Variants in PDSS2 observed in about 807,000 individuals in gnomAD.
PDSS2 encodes all trans-polyprenyl-diphosphate synthase PDSS2.
A neutral mutation model predicts 44.5 loss-of-function variants in PDSS2; 31 were observed. The ratio of observed to expected loss-of-function variants is 0.70; its 90% CI spans 0.52 to 0.94. PDSS2 has a LOEUF of 0.94. Among genes scored for constraint, PDSS2 ranks in the 40% least tolerant of loss-of-function variants. The pLI is 0.00. For synonymous variants in PDSS2, 157 were observed against 180.3 expected, an observed-to-expected ratio of 0.87 and a Z score of 1.03; for missense variants, 452 against 482.2, an observed-to-expected ratio of 0.94 and a Z score of 0.59.
chr6:107,285,385 C>G (rs1396156420), intron 2 of PDSS2, among the ~76,000 whole-genome samples: 2 of 152,090 alleles, frequency 1.3e-5, no homozygotes, highest in Non-Finnish European at 2.9e-5. Context: ...AGGCTCACAT[C>G]TGTAATCTCA....
chr6:107,300,241 T>C (rs1258147248), intron 2 of PDSS2, among the ~76,000 whole-genome samples: 2 of 152,184 alleles, frequency 1.3e-5, no homozygotes, highest in Non-Finnish European at 2.9e-5. Flanking sequence ...AGATCTACTG[T>C]GGACCCCTGG....
At chr6:107,359,481 G>A (rs1172884855) in intron 1 of PDSS2, among the ~76,000 whole-genome samples, 1 of 151,752 alleles carries the variant, frequency 6.6e-6, no homozygotes, top group African/African-American at 2.4e-5. Context: ...AAAATTAGCT[G>A]GGCATGGAGG....
chr6:107,429,901 A>AAAAAAAAAT (rs1166637352), intron 1 of PDSS2, among the ~76,000 whole-genome samples: 82 of 31,790 alleles, frequency 2.6e-3, no homozygotes, highest in African/African-American at 4.7e-3. Flanking sequence ...AAAAAAAAAA[A>AAAAAAAAAT]ATATATATAT....
chr6:107,353,210 A>ATGTC (rs1221646671), intron 1 of PDSS2, among the ~76,000 whole-genome samples: 1 of 152,212 alleles, frequency 6.6e-6, no homozygotes, highest in Non-Finnish European at 1.5e-5. Context: ...AGCTTTTTGA[A>ATGTC]TGTCTATACA....
intron 1 of PDSS2, among the ~76,000 whole-genome samples, chr6:107,432,235 G>A (rs948479638): frequency 1.6e-4 from 25 of 152,136 alleles, no homozygotes; most frequent in Non-Finnish European, 3.2e-4. Context: ...AATTTGGGGG[G>A]AAAGTAAACC....
intron 1 of PDSS2, among the ~76,000 whole-genome samples, chr6:107,448,375 C>T (rs560574193): frequency 5.9e-5 from 9 of 152,306 alleles, no homozygotes; most frequent in African/African-American, 2.2e-4. Context: ...ATTTCTTCCA[C>T]TAGATACCCT....
chr6:107,288,722 C>T (rs545677540), intron 2 of PDSS2, among the ~76,000 whole-genome samples: 1 of 140,976 alleles, frequency 7.1e-6, no homozygotes, highest in African/African-American at 2.7e-5. Context: ...TAAGGAGGGG[C>T]TGGACAATAT....
intron 1 of PDSS2, among the ~76,000 whole-genome samples, chr6:107,377,235 A>G (rs1305723701): frequency 2.6e-5 from 4 of 152,028 alleles, no homozygotes; most frequent in African/African-American, 7.2e-5. Context: ...GAAGGAGATG[A>G]ACAGACACTT....
intron 4 of PDSS2, among the ~76,000 whole-genome samples, chr6:107,223,294 C>T (rs1773679076): frequency 6.6e-6 from 1 of 150,760 alleles, no homozygotes; most frequent in South Asian, 2.1e-4. Context: ...CTTTGGGAGG[C>T]CGAGGTGGGC....
chr6:107,227,278 CTTTTTTTTTTTTTTTT>C (rs60988844), intron 4 of PDSS2, among the ~76,000 whole-genome samples: 49,956 of 103,448 alleles, frequency 0.48, 10,505 homozygotes, highest in South Asian at 0.61. Flanking sequence ...CCACTGTGCC[CTTTTTTTTTTTTTTTT>C]TTTTTTTTTT....
chr6:107,422,928 G>T (rs1263354146), intron 1 of PDSS2, among the ~76,000 whole-genome samples: 2 of 151,916 alleles, frequency 1.3e-5, no homozygotes, highest in East Asian at 3.8e-4. Context: ...CATATATTAC[G>T]ATGCTAAAAG....
intron 4 of PDSS2, among the ~76,000 whole-genome samples, chr6:107,228,300 C>G (rs114594083): frequency 6.6e-6 from 1 of 152,168 alleles, no homozygotes; most frequent in Non-Finnish European, 1.5e-5. Context: ...CTATATCAAC[C>G]TTCACTTTAC....
chr6:107,386,345 A>G (rs1206004515), intron 1 of PDSS2, among the ~76,000 whole-genome samples: 2 of 151,164 alleles, frequency 1.3e-5, no homozygotes, highest in African/African-American at 4.9e-5. Context: ...TGTTTATTAG[A>G]TGTAAATAGT....
intron 1 of PDSS2, among the ~76,000 whole-genome samples, chr6:107,425,349 T>C (rs1490328998): frequency 6.6e-6 from 1 of 152,152 alleles, no homozygotes; most frequent in East Asian, 1.9e-4. Context: ...GTGAGAAAGT[T>C]TGGAACTTCC....
rs368963901 is a variant in PDSS2 at position 107,260,686 on chromosome 6, C to T, written c.630+13343G>A. ...TTTTTTTTTTTTTTTTTTTTTGAGA[C>T]GGAGTCTGGCTCTGACGCCCAGGCT... is the stretch of plus-strand genomic sequence containing the variant. On this transcript the variant is annotated intron_variant, in intron 3 of 7. Coordinates refer to ENST00000369037, the MANE Select transcript of PDSS2 (RefSeq NM_020381.4). Among the ~76,000 whole-genome samples, 297 of 106,578 alleles carry T rather than the reference C, an allele frequency of 2.8e-3. 2 individuals carry two copies. The highest frequency in any genetic ancestry group is 0.01 in the African/African-American group (275 of 27,216). 69.9% of individuals were successfully genotyped at this position (106,578 alleles called of 152,430 possible). A position where few individuals can be genotyped will look rare whatever the true frequency, so the allele number is the denominator to read the frequency against.
At chr6:107,449,525 T>C (rs1052187466) in intron 1 of PDSS2, among the ~76,000 whole-genome samples, 9 of 152,228 alleles carry the variant, frequency 5.9e-5, no homozygotes, top group African/African-American at 2.2e-4. Context: ...AGACACTTTA[T>C]ATAAGTGGAA....
intron 7 of PDSS2, among the ~76,000 whole-genome samples, chr6:107,190,404 G>A (rs1001564830): frequency 3.3e-5 from 5 of 152,056 alleles, no homozygotes; most frequent in Non-Finnish European, 4.4e-5. Context: ...CTGTTCACTC[G>A]CTTACTTGCT....
chr6:107,397,785 T>A (rs374173088), intron 1 of PDSS2, among the ~76,000 whole-genome samples: 8 of 152,350 alleles, frequency 5.3e-5, no homozygotes, highest in African/African-American at 1.9e-4. Context: ...GTGGAAAACT[T>A]GTATCAGCCA....
intron 1 of PDSS2, among the ~76,000 whole-genome samples, chr6:107,444,022 T>C (rs982238864): frequency 4.6e-5 from 7 of 152,138 alleles, no homozygotes; most frequent in African/African-American, 1.7e-4. Context: ...CTCTATGACA[T>C]AGCTACTATT....
Sources: gnomAD v4.1 joint callset for allele counts (sites outside exome capture counted in the v4.1 genomes callset) on GRCh38, gnomAD v4.1.1 for gene constraint, MANE v1.5 for transcripts, NCBI Gene and HGNC (gene_info 2026-07-23, HGNC 2026-07-21) for gene names.